The following SPON1 variants were observed in gnomAD, a reference collection of about 807,000 sequenced individuals.
SPON1 encodes spondin 1.
SPON1 carries 52 observed loss-of-function variants against 111.7 expected under a neutral mutation model. The ratio of observed to expected loss-of-function variants is 0.47; its 90% CI spans 0.37 to 0.59. The LOEUF is 0.59. SPON1 is among the 20% of genes least tolerant of loss of function. The pLI is 0.00. For synonymous variants in SPON1, 410 were observed against 395.8 expected (o/e 1.04, Z -0.43); for missense variants, 957 against 1,068.5 (o/e 0.90, Z 1.46).
chr11:14,172,499 G>T (rs1554932609), intron 6 of SPON1, among the ~76,000 whole-genome samples: 3 of 151,806 alleles, frequency 2.0e-5, no homozygotes. Flanking sequence ...TACATTTAAG[G>T]TTAATATTGT....
intron 5 of SPON1, among the ~76,000 whole-genome samples, chr11:14,124,346 C>T (rs1847431531): frequency 6.6e-6 from 1 of 152,230 alleles, no homozygotes; most frequent in Admixed American, 6.5e-5. Flanking sequence ...ACTTATCCTT[C>T]AGAATTTAGC....
At chr11:14,026,121 A>C (rs1328170489) in intron 2 of SPON1, among the ~76,000 whole-genome samples, 1 of 152,112 alleles carries the variant, frequency 6.6e-6, no homozygotes, top group Admixed American at 6.6e-5. Context: ...TTGCCTCCCT[A>C]CAGCAGAGGG....
In SPON1 at chr11:14,135,598, A is replaced by C; in HGVS notation, c.825+30A>C. ...GACAAAAAAATCACAGAATGACCAA[A>C]TAACAGAAATGCAGTCAAAGCACTC... On this transcript the variant is annotated intron_variant, in intron 6 of 15. Transcript: ENST00000576479. The surrounding 1 kb of genome is among the most constrained non-coding windows in gnomAD (Gnocchi z 4.4). 6.2e-7 allele frequency: 1 copy of C among 1,606,324 alleles called. No homozygotes were observed. The highest frequency in any genetic ancestry group is 8.5e-7 in the Non-Finnish European group (1 of 1,174,174).
chr11:13,978,248 C>T (rs1848117556), intron 1 of SPON1, among the ~76,000 whole-genome samples: 1 of 152,174 alleles, frequency 6.6e-6, no homozygotes, highest in South Asian at 2.1e-4. Context: ...TTTGCATTTC[C>T]ATATAAATTT....
intron 5 of SPON1, among the ~76,000 whole-genome samples, chr11:14,105,418 C>A (rs1339014834): frequency 6.6e-6 from 1 of 152,130 alleles, no homozygotes; most frequent in Admixed American, 6.6e-5. Flanking sequence ...TTTACCTATA[C>A]TACCATTGTT....
intron 2 of SPON1, among the ~76,000 whole-genome samples, chr11:14,006,578 G>A (rs947047074): frequency 9.2e-5 from 14 of 152,116 alleles, no homozygotes; most frequent in South Asian, 4.1e-4. Context: ...TTGCTTGGTC[G>A]CACGTGGTGG....
intron 6 of SPON1, among the ~76,000 whole-genome samples, chr11:14,157,007 G>A (rs1847856269): frequency 2.0e-5 from 3 of 152,142 alleles, no homozygotes; most frequent in Admixed American, 2.0e-4. Flanking sequence ...AGGACGGAGA[G>A]CCAAACTATA....
chr11:14,171,555 G>A (rs1474791086), intron 6 of SPON1, among the ~76,000 whole-genome samples: 50 of 152,006 alleles, frequency 3.3e-4, no homozygotes, highest in Non-Finnish European at 6.2e-4. Flanking sequence ...GTTTGCTCTT[G>A]CTTCTCTAGT....
intron 6 of SPON1, among the ~76,000 whole-genome samples, chr11:14,153,129 C>T (rs1847806717): frequency 6.6e-6 from 1 of 152,174 alleles, no homozygotes; most frequent in Non-Finnish European, 1.5e-5. Context: ...CTTCTTCTAT[C>T]TTCAATCTTT....
At chr11:13,985,376 T>C (rs7935538) in intron 2 of SPON1, among the ~76,000 whole-genome samples, 7,188 of 152,306 alleles carry the variant, frequency 0.047, 555 homozygotes, top group African/African-American at 0.16. Context: ...GAGTGGTTTA[T>C]ATTTGTTAAC....
intron 6 of SPON1, among the ~76,000 whole-genome samples, chr11:14,233,339 A>G (rs1260607611): frequency 6.6e-6 from 1 of 152,150 alleles, no homozygotes; most frequent in Non-Finnish European, 1.5e-5. Context: ...AGACACAGCA[A>G]TGGCCTCCTG....
intron 2 of SPON1, among the ~76,000 whole-genome samples, chr11:14,040,140 C>G (rs1554917133): frequency 6.6e-6 from 1 of 152,138 alleles, no homozygotes; most frequent in African/African-American, 2.4e-5. Context: ...CTTAGCAATC[C>G]TACTACATTA....
intron 11 of SPON1, among the ~76,000 whole-genome samples, chr11:14,258,422 A>G (rs1382296937): frequency 1.3e-5 from 2 of 152,200 alleles, no homozygotes; most frequent in African/African-American, 2.4e-5. Flanking sequence ...TGCAACACCT[A>G]TATCATGATG....
chr11:14,235,963 A>T (rs1202931000), intron 6 of SPON1, among the ~76,000 whole-genome samples: 1 of 152,148 alleles, frequency 6.6e-6, no homozygotes, highest in African/African-American at 2.4e-5. Context: ...AAGATACATA[A>T]GAAGTCCAGG....
intron 5 of SPON1, among the ~76,000 whole-genome samples, chr11:14,099,409 T>C (rs1259974842): frequency 1.3e-5 from 2 of 152,228 alleles, no homozygotes; most frequent in Admixed American, 1.3e-4. Flanking sequence ...ATTTTTATAT[T>C]GTTGACTTAG....
chr11:14,257,669 C>A, intron 10 of SPON1, 47 bp from the exon 11 acceptor site: 1 of 1,521,526 alleles, frequency 6.6e-7, no homozygotes. Flanking sequence ...GGGCCAGTGG[C>A]AGCTCCCATA....
At chr11:14,055,530 AGGCTTCTGCC>A (rs1379138344) in intron 3 of SPON1, among the ~76,000 whole-genome samples, 4 of 152,240 alleles carry the variant, frequency 2.6e-5, no homozygotes, top group African/African-American at 9.6e-5. Flanking sequence ...TAGAAAGACC[AGGCTTCTGCC>A]AGGTTAACGT....
chr11:14,024,410 C>T (rs549063654), intron 2 of SPON1, among the ~76,000 whole-genome samples: 5 of 152,240 alleles, frequency 3.3e-5, no homozygotes, highest in South Asian at 4.2e-4. Flanking sequence ...GTGGAGGTGG[C>T]GCTCAGCAAG....
chr11:13,969,843 C>G (rs1213466347), intron 1 of SPON1, among the ~76,000 whole-genome samples: 3 of 152,118 alleles, frequency 2.0e-5, no homozygotes, highest in African/African-American at 7.2e-5. Flanking sequence ...TTCTAGTTTC[C>G]CTCCAGCATT....
Sources: gnomAD v4.1 joint callset for allele counts (sites outside exome capture counted in the v4.1 genomes callset) on GRCh38, gnomAD v4.1.1 for gene constraint, Gnocchi (gnomAD v3.1) non-coding constraint, MANE v1.5 for transcripts, NCBI Gene and HGNC (gene_info 2026-07-23, HGNC 2026-07-21) for gene names.